Variants in GRIA1 observed in about 807,000 individuals in gnomAD.
GRIA1 encodes glutamate ionotropic receptor AMPA type subunit 1.
GRIA1 carries 31 observed loss-of-function variants against 99.2 expected under a neutral mutation model. The observed-to-expected ratio is 0.31, with a 90% CI of 0.23 to 0.42. The LOEUF (loss-of-function observed/expected upper bound fraction) is 0.42, where lower values mean the gene tolerates loss of function less well. GRIA1 is among the 10% of genes least tolerant of loss of function. The pLI is 1.00. For synonymous variants in GRIA1, 438 were observed against 432.4 expected (o/e 1.01, Z -0.16); for missense variants, 782 against 1,157.5 (o/e 0.68, Z 4.71).
chr5:153,528,807 T>C (rs1257809283), intron 2 of GRIA1, among the ~76,000 whole-genome samples: 1 of 152,210 alleles, frequency 6.6e-6, no homozygotes, highest in Admixed American at 6.5e-5. Flanking sequence ...TTCCTCCACG[T>C]TCCTTCTGTC....
chr5:153,660,405 T>C (rs1054597078), intron 5 of GRIA1, among the ~76,000 whole-genome samples: 24 of 152,154 alleles, frequency 1.6e-4, no homozygotes, highest in African/African-American at 5.8e-4. Context: ...TTCAGAAAGG[T>C]TGACTTTTCC....
chr5:153,692,521 T>C lies in GRIA1; in HGVS notation c.1135-5523T>C, dbSNP rs534413924. ...TTTCTGGAACATAGCTATGCTCATT[T>C]GTTTATATATTATCTATATCTGCCT... On this transcript the variant is annotated intron_variant, in intron 8 of 15. Coordinates refer to ENST00000285900, the MANE Select transcript of GRIA1 (RefSeq NM_000827.4). 1.4e-4 allele frequency among the ~76,000 whole-genome samples: 22 copies of C among 152,338 alleles called. No individual in the cohort carries two copies. In the East Asian group the frequency reaches 3.1e-3, roughly 21 times the overall value.
chr5:153,715,223 C>T (rs1284107643), intron 11 of GRIA1, among the ~76,000 whole-genome samples: 1 of 152,074 alleles, frequency 6.6e-6, no homozygotes, highest in Non-Finnish European at 1.5e-5. Context: ...CCCAGCTTAG[C>T]CAAGGCTCCA....
At chr5:153,778,848 G>C (rs746810173) in intron 13 of GRIA1, among the ~76,000 whole-genome samples, 10 of 152,042 alleles carry the variant, frequency 6.6e-5, no homozygotes, top group Non-Finnish European at 1.0e-4. Flanking sequence ...TGTACTTGTG[G>C]GGAATAAGGA....
intron 11 of GRIA1, among the ~76,000 whole-genome samples, chr5:153,752,107 T>A (rs527653107): frequency 1.3e-5 from 2 of 152,152 alleles, no homozygotes; most frequent in Non-Finnish European, 2.9e-5. Context: ...CTTAAATCAA[T>A]ACAGCCGAGT....
intron 11 of GRIA1, among the ~76,000 whole-genome samples, chr5:153,745,241 C>T (rs1323266974): frequency 6.6e-6 from 1 of 151,902 alleles, no homozygotes; most frequent in Admixed American, 6.6e-5. Context: ...TTATGTTCGT[C>T]CCTTCCTTCT....
At chr5:153,684,428 A>G (rs928348115) in intron 7 of GRIA1, among the ~76,000 whole-genome samples, 2 of 152,238 alleles carry the variant, frequency 1.3e-5, no homozygotes, top group Non-Finnish European at 2.9e-5. Context: ...CAAATGAGAA[A>G]CTTAGTCATA....
chr5:153,784,592 G>A (rs1418114320), intron 13 of GRIA1, among the ~76,000 whole-genome samples: 1 of 152,032 alleles, frequency 6.6e-6, no homozygotes, highest in Non-Finnish European at 1.5e-5. Context: ...GATCCTACCT[G>A]TATTCCTTAA....
intron 11 of GRIA1, among the ~76,000 whole-genome samples, chr5:153,743,489 T>C (rs1761954560): frequency 6.6e-6 from 1 of 152,158 alleles, no homozygotes; most frequent in Admixed American, 6.6e-5. Flanking sequence ...CTTGTAGATA[T>C]AAGACTGAAA....
intron 2 of GRIA1, among the ~76,000 whole-genome samples, chr5:153,521,852 T>G (rs558453213): frequency 6.6e-6 from 1 of 152,356 alleles, no homozygotes; most frequent in South Asian, 2.1e-4. Flanking sequence ...TATGTGTGAG[T>G]TGAGTGGCAT....
intron 15 of GRIA1, among the ~76,000 whole-genome samples, chr5:153,805,180 T>C (rs987039426): frequency 6.6e-6 from 1 of 152,160 alleles, no homozygotes; most frequent in African/African-American, 2.4e-5. Flanking sequence ...AAGCCCTCAG[T>C]AAATAATAAT....
chr5:153,715,236 CA>C (rs1322388719), intron 11 of GRIA1, among the ~76,000 whole-genome samples: 1 of 152,068 alleles, frequency 6.6e-6, no homozygotes, highest in South Asian at 2.1e-4. Flanking sequence ...AGGCTCCAAC[CA>C]AGCCAAGTTG....
In GRIA1 at chr5:153,500,385, T is replaced by C. The variant is rs192323988; in HGVS notation, c.220+6320T>C. ...GACAGCATTAGTTGATTACAGAATT[T>C]TTTCCCACTGAATCTACACGTGGCC... is the stretch of plus-strand genomic sequence containing the variant. On this transcript the variant is annotated intron_variant, in intron 2 of 15. Coordinates refer to ENST00000285900, the MANE Select transcript of GRIA1 (RefSeq NM_000827.4). Among the ~76,000 whole-genome samples the C allele has an allele frequency of 2.7e-3, 411 of 151,648 alleles. 2 individuals are homozygous for C. The highest frequency in any genetic ancestry group is 9.4e-3 in the African/African-American group (388 of 41,328).
chr5:153,646,480 T>A (rs751193331), intron 2 of GRIA1, among the ~76,000 whole-genome samples: 3 of 152,206 alleles, frequency 2.0e-5, no homozygotes, highest in Non-Finnish European at 4.4e-5. Context: ...ACCTTGAATA[T>A]GTTCATTAAA....
chr5:153,551,525 C>T (rs141575662), intron 2 of GRIA1, among the ~76,000 whole-genome samples: 190 of 152,164 alleles, frequency 1.2e-3, no homozygotes, highest in African/African-American at 4.4e-3. Flanking sequence ...GATGGGATTT[C>T]GATTAATGGA....
chr5:153,770,068 C>G lies in GRIA1; in HGVS notation c.2023-100C>G. 7.5e-6 allele frequency: 9 copies of G among 1,200,364 alleles called. No individual in the cohort carries two copies. In the South Asian group the frequency reaches 8.3e-5, roughly 11 times the overall value. The allele number at this position is 1,200,364 out of a possible 1,614,324, so 74.4% of individuals were successfully genotyped here. On this transcript the variant is annotated intron_variant, in intron 12 of 15. Coordinates refer to ENST00000285900, the MANE Select transcript of GRIA1 (RefSeq NM_000827.4). The stretch of plus-strand genomic sequence containing the variant: ...TGTTTCTTCCTGAGCTAATCTCGCT[C>G]ATGAATGTGTGATCAAGCTACACTC...
intron 2 of GRIA1, among the ~76,000 whole-genome samples, chr5:153,537,136 T>C (rs992718905): frequency 6.6e-6 from 1 of 152,224 alleles, no homozygotes; most frequent in African/African-American, 2.4e-5. Context: ...CAAAGATACC[T>C]GCTGTCCCCT....
At chr5:153,709,891 G>A (rs1207489565) in intron 11 of GRIA1, among the ~76,000 whole-genome samples, 1 of 152,152 alleles carries the variant, frequency 6.6e-6, no homozygotes, top group Non-Finnish European at 1.5e-5. Context: ...GAGTAGGCAG[G>A]GTAGGAATCG....
Position 153,714,337 on chromosome 5 carries a change from C to T in GRIA1, c.1823+8270C>T, listed in dbSNP as rs1581522689. On this transcript the variant is annotated intron_variant, in intron 11 of 15. Transcript: ENST00000285900. ...CTGCATTTAGACACACTTGGAATAT[C>T]GTATTTATATATACATTTTTAAGGG... is the stretch of plus-strand genomic sequence containing the variant. Among the ~76,000 whole-genome samples the T allele has an allele frequency of 3.3e-5, 5 of 152,268 alleles. No homozygotes were observed. In the South Asian group the frequency reaches 6.2e-4, roughly 19 times the overall value.
Sources: allele counts gnomAD v4.1 joint callset (sites outside exome capture counted in the v4.1 genomes callset), GRCh38; gene constraint gnomAD v4.1.1; transcripts MANE v1.5; gene names NCBI Gene and HGNC (gene_info 2026-07-23, HGNC 2026-07-21).